ZNF610: variants seen among roughly 807,000 people sequenced by gnomAD.
The protein encoded by ZNF610 is zinc finger protein 610.
In ZNF610, 14 loss-of-function variants were observed where a neutral mutation model predicts 14.1. The ratio of observed to expected loss-of-function variants is 0.99; its 90% CI spans 0.65 to 1.55. The LOEUF (loss-of-function observed/expected upper bound fraction) is 1.55. ZNF610 is among the 40% of genes most tolerant of loss of function. The probability of loss-of-function intolerance (pLI) is 0.00; values close to 1 mark genes in which losing one functional copy is unlikely to be tolerated. For missense variants in ZNF610, 530 were observed against 558.0 expected (o/e 0.95, Z 0.51); for synonymous variants, 185 against 187.6 (o/e 0.99, Z 0.11).
chr19:52,334,936 A>AACACACACACACACACATACAC (rs1984301159), upstream of ZNF610, among the ~76,000 whole-genome samples: 1 of 41,536 alleles, frequency 2.4e-5, no homozygotes, highest in Non-Finnish European at 5.0e-5. Flanking sequence ...CTCAAAAACA[A>AACACACACACACACACATACAC]ACACACACAC....
chr19:52,341,302 GTTTTATTTTTTAT>G (rs1732310044), intron 1 of ZNF610, among the ~76,000 whole-genome samples: 1 of 151,890 alleles, frequency 6.6e-6, no homozygotes, highest in South Asian at 2.1e-4. Context: ...TTTTTAAAAA[GTTTTATTTTTTAT>G]TTTTATTTTT....
chr19:52,334,959 A>ACACACACACAC (rs60779202), upstream of ZNF610, among the ~76,000 whole-genome samples: 1 of 146,650 alleles, frequency 6.8e-6, no homozygotes, highest in Admixed American at 6.7e-5. Flanking sequence ...ACACACACAC[A>ACACACACACAC]ATGTAATTTA....
chr19:52,354,313 C>T lies in ZNF610; in HGVS notation c.253C>T (p.Leu85=). The T allele has an allele frequency of 1.9e-6, 3 of 1,614,098 alleles. No individual in the cohort carries two copies. The highest frequency in any genetic ancestry group is 2.5e-6 in the Non-Finnish European group (3 of 1,179,992). The change falls in exon 5 of 6, where the codon CTG becomes TTG. Residue 85 remains leucine, a synonymous_variant. Transcript: ENST00000403906. ...GAAGCAAAGGAGAGAGCCCTTGATT[C>T]TGCAAAGTCAAGTTAAAATAGTAAA... The part of the protein sequence containing the change: ...MLKQRREPLI[L]QSQVKIVKNT...
intron 1 of ZNF610, among the ~76,000 whole-genome samples, chr19:52,343,719 C>G (rs1275626260): frequency 6.6e-6 from 1 of 152,154 alleles, no homozygotes; most frequent in Non-Finnish European, 1.5e-5. Context: ...TCCATACATT[C>G]CCGCTAGAGG....
chr19:52,350,619 A>T (rs890066747), intron 3 of ZNF610, among the ~76,000 whole-genome samples: 1 of 152,212 alleles, frequency 6.6e-6, no homozygotes, highest in African/African-American at 2.4e-5. Flanking sequence ...CGGAGGTTGC[A>T]GTGAGCCAAG....
At chr19:52,350,467 C>A (rs1264507556) in intron 3 of ZNF610, among the ~76,000 whole-genome samples, 1 of 151,980 alleles carries the variant, frequency 6.6e-6, no homozygotes, top group East Asian at 1.9e-4. Context: ...CACCTGAGGT[C>A]AGGAGTTTGA....
chr19:52,359,021 G>T (rs1395911341), intron 5 of ZNF610, among the ~76,000 whole-genome samples: 5 of 152,162 alleles, frequency 3.3e-5, no homozygotes, highest in African/African-American at 1.2e-4. Flanking sequence ...TGCCTTCATG[G>T]CAGTACAGTT....
At chr19:52,332,306 G>A (rs146764703), upstream of ZNF610, among the ~76,000 whole-genome samples, 333 of 152,302 alleles carry the variant, frequency 2.2e-3, 3 homozygotes, top group African/African-American at 6.8e-3. This position sits in a 1 kb window ranked among gnomAD's most constrained non-coding sequence, Gnocchi z 4.1. Context: ...GCTATTATGC[G>A]TAACCCATGG....
chr19:52,366,096 G>A lies in ZNF610; in HGVS notation c.718G>A (p.Val240Ile), dbSNP rs1198700849. The stretch of plus-strand genomic sequence containing the variant: ...TTACAAATGTACTGAATGTGGCAAG[G>A]TCTTCAGTCGCAATTCACACCTTGT... ...KPYKCTECGK[V>I]FSRNSHLVEH... Residue 240 changes from valine (V) to isoleucine (I), a missense_variant, in exon 6 of 6, where the codon GTC becomes ATC. Transcript: ENST00000403906. 6.2e-7 allele frequency: 1 copy of A among 1,613,944 alleles called. No homozygotes were observed. Among genetic ancestry groups the A allele is most frequent in the African/African-American group, 1.3e-5 (1 of 74,878 alleles).
At chr19:52,332,032 G>A (rs1984227302), upstream of ZNF610, among the ~76,000 whole-genome samples, 1 of 152,212 alleles carries the variant, frequency 6.6e-6, no homozygotes, top group African/African-American at 2.4e-5. This position sits in a 1 kb window ranked among gnomAD's most constrained non-coding sequence, Gnocchi z 4.1. Flanking sequence ...GTCTGCTGGA[G>A]CAGAGGAACT....
In ZNF610 at chr19:52,356,539, T is replaced by C. The variant is rs2560887; in HGVS notation, c.319+2160T>C. Among the ~76,000 whole-genome samples, 708 of 152,280 alleles carry C rather than the reference T, an allele frequency of 4.6e-3. 12 individuals are homozygous for C. The East Asian group carries it at 0.072, about 15-fold the overall frequency. On this transcript the variant is annotated intron_variant, in intron 5 of 5. Coordinates refer to ENST00000403906, the MANE Select transcript of ZNF610 (RefSeq NM_001161425.2). ...GGGCTGTAGTATCAGGGAATGGCCA[T>C]TGATTTATATATTTTTGAGTGTGGT...
upstream of ZNF610, among the ~76,000 whole-genome samples, chr19:52,331,700 A>C (rs866354644): frequency 3.7e-4 from 57 of 152,214 alleles, no homozygotes; most frequent in African/African-American, 1.3e-3. Context: ...CAAAGGATGC[A>C]GTCTTGCAAG....
chr19:52,359,536 T>C (rs1985680919), intron 5 of ZNF610, among the ~76,000 whole-genome samples: 1 of 152,220 alleles, frequency 6.6e-6, no homozygotes, highest in Non-Finnish European at 1.5e-5. Context: ...ATGGAAGGCC[T>C]GCAGTAAGGA....
Position 52,349,136 on chromosome 19 carries a change from TG to T in ZNF610, c.-19-17del. The T allele has an allele frequency of 6.3e-7, 1 of 1,585,436 alleles. No individual in the cohort carries two copies. ...TGTGTTGATTCCGAGCAGTAATCAG[TG>T]TATTTTTGACATTTAGGATTGACTT... On this transcript the variant is annotated splice_polypyrimidine_tract_variant and intron_variant, in intron 2 of 5. Transcript: ENST00000403906.
At chr19:52,334,960 A>ACACAG (rs59969071), upstream of ZNF610, among the ~76,000 whole-genome samples, 21 of 136,454 alleles carry the variant, frequency 1.5e-4, 2 homozygotes, top group South Asian at 1.6e-3. Context: ...CACACACACA[A>ACACAG]TGTAATTTAC....
chr19:52,350,618 C>T (rs1985203672), intron 3 of ZNF610, among the ~76,000 whole-genome samples: 1 of 152,172 alleles, frequency 6.6e-6, no homozygotes, highest in African/African-American at 2.4e-5. Flanking sequence ...GCGGAGGTTG[C>T]AGTGAGCCAA....
chr19:52,351,268 C>T (rs1030109286), intron 3 of ZNF610, among the ~76,000 whole-genome samples: 1 of 151,908 alleles, frequency 6.6e-6, no homozygotes, highest in African/African-American at 2.4e-5. Context: ...ACCAGCCTGA[C>T]CAACATGGTG....
chr19:52,351,432 G>A (rs1277436101), intron 3 of ZNF610, among the ~76,000 whole-genome samples: 1 of 151,802 alleles, frequency 6.6e-6, no homozygotes, highest in Non-Finnish European at 1.5e-5. Context: ...CTCCAGCCTG[G>A]GCGACACAGC....
chr19:52,360,168 C>G (rs752398833), intron 5 of ZNF610, among the ~76,000 whole-genome samples: 2 of 152,112 alleles, frequency 1.3e-5, no homozygotes, highest in African/African-American at 4.8e-5. Context: ...GACCCTCTCT[C>G]GGGAGGTCTT....
Sources: gnomAD v4.1 joint callset for allele counts (sites outside exome capture counted in the v4.1 genomes callset) on GRCh38, gnomAD v4.1.1 for gene constraint, Gnocchi (gnomAD v3.1) non-coding constraint, MANE v1.5 for transcripts, NCBI Gene and HGNC (gene_info 2026-07-23, HGNC 2026-07-21) for gene names.